CPA6: variants seen among roughly 807,000 people sequenced by gnomAD.
CPA6 encodes carboxypeptidase A6.
In CPA6, 58 loss-of-function variants were observed where a neutral mutation model predicts 63.3. The observed-to-expected ratio is 0.92, with a 90% CI of 0.74 to 1.14. The LOEUF is 1.14. CPA6 is among the 50% of genes most tolerant of loss of function. The pLI is 0.00. For missense variants in CPA6, 565 were observed against 526.6 expected (o/e 1.07, Z -0.71); for synonymous variants, 185 against 179.0 (o/e 1.03, Z -0.27).
At chr8:67,655,177 TTGA>T (rs1815955537) in intron 1 of CPA6, among the ~76,000 whole-genome samples, 1 of 152,170 alleles carries the variant, frequency 6.6e-6, no homozygotes, top group East Asian at 1.9e-4. Context: ...TACTGAATCC[TTGA>T]TACAATTCTT....
In CPA6 at chr8:67,594,985, T is replaced by C. The variant is rs556842841; in HGVS notation, c.192+29191A>G. Among the ~76,000 whole-genome samples the C allele has an allele frequency of 2.6e-5, 4 of 152,334 alleles. No individual in the cohort carries two copies. The East Asian group carries it at 5.8e-4, about 22-fold the overall frequency. On this transcript the variant is annotated intron_variant, in intron 2 of 10. Transcript: ENST00000297770. ...TTTTTAGAGTTTCCAGTTTTTCTGC[T>C]CTGTTTTTTCCCCATCTTTGTGGTT...
At chr8:67,531,311 T>C (rs547573766) in intron 2 of CPA6, among the ~76,000 whole-genome samples, 1 of 152,274 alleles carries the variant, frequency 6.6e-6, no homozygotes, top group South Asian at 2.1e-4. Context: ...AGGGATTACA[T>C]TATCTAGGTA....
chr8:67,560,058 A>G (rs1224050377), intron 2 of CPA6, among the ~76,000 whole-genome samples: 1 of 151,834 alleles, frequency 6.6e-6, no homozygotes, highest in Non-Finnish European at 1.5e-5. Context: ...CAGAACTGTG[A>G]GAAATAAATG....
At chr8:67,487,417 G>A (rs1811504009) in intron 6 of CPA6, among the ~76,000 whole-genome samples, 1 of 152,146 alleles carries the variant, frequency 6.6e-6, no homozygotes, top group Admixed American at 6.5e-5. Context: ...ATTCCATGGT[G>A]CATATGTGCC....
At chr8:67,606,082 AC>A (rs1814628307) in intron 2 of CPA6, among the ~76,000 whole-genome samples, 1 of 124,704 alleles carries the variant, frequency 8.0e-6, no homozygotes, top group Non-Finnish European at 1.6e-5. Flanking sequence ...AATTTCAAGG[AC>A]AAAAAAACAA....
At chr8:67,636,951 A>G (rs759616091) in intron 1 of CPA6, among the ~76,000 whole-genome samples, 1 of 151,668 alleles carries the variant, frequency 6.6e-6, no homozygotes, top group Non-Finnish European at 1.5e-5. Flanking sequence ...AACATGCTCT[A>G]GAGAGCTAAA....
chr8:67,497,104 T>C (rs1249621036), intron 6 of CPA6, among the ~76,000 whole-genome samples: 1 of 152,214 alleles, frequency 6.6e-6, no homozygotes, highest in African/African-American at 2.4e-5. Flanking sequence ...TGACTTCTTA[T>C]TGAGATACGA....
intron 1 of CPA6, among the ~76,000 whole-genome samples, chr8:67,664,305 T>C (rs892874773): frequency 2.0e-5 from 3 of 152,210 alleles, no homozygotes; most frequent in African/African-American, 4.8e-5. Context: ...AAGAGTGTAA[T>C]TGGAGACTTT....
At chr8:67,487,988 C>G (rs1811520320) in intron 6 of CPA6, among the ~76,000 whole-genome samples, 1 of 152,136 alleles carries the variant, frequency 6.6e-6, no homozygotes, top group African/African-American at 2.4e-5. Flanking sequence ...AAATTTTTCT[C>G]CCATTTTGTA....
intron 1 of CPA6, among the ~76,000 whole-genome samples, chr8:67,678,225 T>TCACACACACACACACACACA (rs200034998): frequency 4.2e-5 from 6 of 143,062 alleles, no homozygotes; most frequent in South Asian, 2.3e-4. Flanking sequence ...TAAAACTCTG[T>TCACACACACACACACACACA]CTCACACACA....
intron 1 of CPA6, among the ~76,000 whole-genome samples, chr8:67,632,732 A>G (rs1249574310): frequency 6.6e-6 from 1 of 152,164 alleles, no homozygotes; most frequent in African/African-American, 2.4e-5. Flanking sequence ...TGAAGCAGTG[A>G]GATGTATTTT....
At chr8:67,565,412 T>C (rs1299904927) in intron 2 of CPA6, among the ~76,000 whole-genome samples, 1 of 152,114 alleles carries the variant, frequency 6.6e-6, no homozygotes. Flanking sequence ...TTTCTGAAAA[T>C]GACACTCACT....
intron 1 of CPA6, among the ~76,000 whole-genome samples, chr8:67,733,239 G>A (rs1297939371): frequency 1.5e-5 from 2 of 130,392 alleles, no homozygotes; most frequent in East Asian, 2.2e-4. Flanking sequence ...AAAATTTAGC[G>A]TCTATCACCT....
chr8:67,448,080 T>C (rs1810470344), intron 8 of CPA6, among the ~76,000 whole-genome samples: 2 of 152,252 alleles, frequency 1.3e-5, no homozygotes, highest in Admixed American at 1.3e-4. Flanking sequence ...CCACTGTGCC[T>C]GGCCAATTGG....
intron 2 of CPA6, among the ~76,000 whole-genome samples, chr8:67,528,482 C>CG (rs960233910): frequency 6.6e-6 from 1 of 152,086 alleles, no homozygotes; most frequent in Non-Finnish European, 1.5e-5. Context: ...TGGCTTTCTG[C>CG]GGGGGGCCAT....
intron 2 of CPA6, among the ~76,000 whole-genome samples, chr8:67,607,571 GA>G (rs1814699335): frequency 6.6e-6 from 1 of 151,730 alleles, no homozygotes; most frequent in Non-Finnish European, 1.5e-5. Flanking sequence ...ATTTCTTCTT[GA>G]CTTCAGCTAT....
chr8:67,603,506 G>A (rs1814548733), intron 2 of CPA6, among the ~76,000 whole-genome samples: 1 of 152,098 alleles, frequency 6.6e-6, no homozygotes, highest in Non-Finnish European at 1.5e-5. Context: ...TGTTTAAAAT[G>A]GCTAAGTGGA....
At chr8:67,521,743 G>A (rs943996238) in intron 2 of CPA6, among the ~76,000 whole-genome samples, 2 of 152,104 alleles carry the variant, frequency 1.3e-5, no homozygotes, top group Non-Finnish European at 2.9e-5. Flanking sequence ...ATAAATAAAC[G>A]AAAAATATAA....
chr8:67,723,634 A>G, intron 1 of CPA6, among the ~76,000 whole-genome samples: 1 of 152,184 alleles, frequency 6.6e-6, no homozygotes, highest in East Asian at 1.9e-4. Context: ...TTTAATTTGC[A>G]TTTCCTTGTG....
Sources: allele counts gnomAD v4.1 joint callset (sites outside exome capture counted in the v4.1 genomes callset), GRCh38; gene constraint gnomAD v4.1.1; transcripts MANE v1.5; gene names NCBI Gene and HGNC (gene_info 2026-07-23, HGNC 2026-07-21).